ZNF638: variants seen among roughly 807,000 people sequenced by gnomAD.
ZNF638 encodes CTCL tumor antigen se33-1.
A neutral mutation model predicts 195.6 loss-of-function variants in ZNF638; 46 were observed. That is an observed-to-expected ratio of 0.24 (90% CI 0.19 to 0.30). The LOEUF (loss-of-function observed/expected upper bound fraction) is 0.30. ZNF638 is among the 10% of genes least tolerant of loss of function. ZNF638 has a pLI of 1.00. For synonymous variants in ZNF638, 845 were observed against 772.0 expected, an observed-to-expected ratio of 1.09 and a Z score of -1.57; for missense variants, 2,440 against 2,325.3, an observed-to-expected ratio of 1.05 and a Z score of -1.01.
chr2:71,334,539 A>T (rs1206730745), intron 1 of ZNF638: 1 of 152,220 alleles, frequency 6.6e-6, no homozygotes, highest in Non-Finnish European at 1.5e-5. Flanking sequence ...AATGGAAGGA[A>T]AATAAGTATA....
chr2:71,403,440 A>G (rs911038199), intron 16 of ZNF638, among the ~76,000 whole-genome samples: 3 of 152,188 alleles, frequency 2.0e-5, no homozygotes, highest in African/African-American at 7.2e-5. Context: ...AAATGACTTC[A>G]CAATTGTTAC....
At chr2:71,390,257 C>T (rs938345882) in intron 10 of ZNF638, among the ~76,000 whole-genome samples, 6 of 152,220 alleles carry the variant, frequency 3.9e-5, no homozygotes, top group Non-Finnish European at 8.8e-5. Context: ...CGGCTTTCCT[C>T]GGTCAATTGG....
intron 10 of ZNF638, among the ~76,000 whole-genome samples, chr2:71,394,478 T>G (rs1275616352): frequency 6.6e-6 from 1 of 152,146 alleles, no homozygotes. Flanking sequence ...CCATTACACC[T>G]CAAAACTCCA....
intron 8 of ZNF638, among the ~76,000 whole-genome samples, chr2:71,371,796 C>T (rs1014553959): frequency 6.0e-5 from 9 of 150,882 alleles, no homozygotes; most frequent in African/African-American, 2.2e-4. Flanking sequence ...GCTTGAGTTC[C>T]TTATATATTC....
rs17006876 is a variant in ZNF638 at position 71,334,049 on chromosome 2, C to T, written c.-203+2174C>T. ...ACTTTCATTAAAATATTTTGTGCTT[C>T]TATAAACTTTTTACATGCCTTTCTT... is the stretch of plus-strand genomic sequence containing the variant. On this transcript the variant is annotated intron_variant, in intron 1 of 27. Coordinates refer to ENST00000264447, the MANE Select transcript of ZNF638 (RefSeq NM_014497.5). Among the ~76,000 whole-genome samples, 852 of 152,270 alleles carry T rather than the reference C, an allele frequency of 5.6e-3. 5 individuals carry two copies. The highest frequency in any genetic ancestry group is 0.019 in the African/African-American group (807 of 41,536).
intron 10 of ZNF638, among the ~76,000 whole-genome samples, chr2:71,387,785 G>A (rs1437270576): frequency 6.6e-6 from 1 of 152,162 alleles, no homozygotes; most frequent in Admixed American, 6.5e-5. Context: ...TTTAGGTTGA[G>A]AAGTCCTTCC....
At chr2:71,338,292 T>C (rs2078706122) in intron 1 of ZNF638, among the ~76,000 whole-genome samples, 1 of 152,268 alleles carries the variant, frequency 6.6e-6, no homozygotes, top group Non-Finnish European at 1.5e-5. Flanking sequence ...ACTGTTATTC[T>C]ACATTTAGTA....
chr2:71,337,970 T>C (rs1206791045), intron 1 of ZNF638, among the ~76,000 whole-genome samples: 1 of 152,238 alleles, frequency 6.6e-6, no homozygotes, highest in African/African-American at 2.4e-5. Flanking sequence ...ATTTATCTGA[T>C]GTTTCCTCTT....
At chr2:71,362,657 A>G (rs1426982807) in intron 3 of ZNF638, among the ~76,000 whole-genome samples, 1 of 152,130 alleles carries the variant, frequency 6.6e-6, no homozygotes, top group Admixed American at 6.5e-5. Context: ...AACCTGATCC[A>G]TTCCTATTAA....
At chr2:71,364,930 T>C (rs1057261586) in intron 5 of ZNF638, among the ~76,000 whole-genome samples, 4 of 152,236 alleles carry the variant, frequency 2.6e-5, no homozygotes, top group East Asian at 1.9e-4. Flanking sequence ...GAAGCAGATA[T>C]AAGAATTTAG....
chr2:71,399,754 G>C lies in ZNF638; in HGVS notation c.2587+109G>C, dbSNP rs549053459. 4.1e-5 allele frequency: 34 copies of C among 834,738 alleles called. No individual in the cohort carries two copies. In the South Asian group the frequency reaches 5.7e-4, roughly 14 times the overall value. 51.7% of individuals were successfully genotyped at this position (834,738 alleles called of 1,614,324 possible). A position where few individuals can be genotyped will look rare whatever the true frequency, so the allele number is the denominator to read the frequency against. ...TCTTACATAGGTAAACGTGTCATGGGGGTTTGTTGTACAGGTTATTTCATC... is the reference window on the plus strand; with the variant it reads ...TCTTACATAGGTAAACGTGTCATGGCGGTTTGTTGTACAGGTTATTTCATC... On this transcript the variant is annotated intron_variant, in intron 13 of 27. Coordinates refer to ENST00000264447, the MANE Select transcript of ZNF638 (RefSeq NM_014497.5).
At chr2:71,333,912 TAGGC>T (rs1476480098) in intron 1 of ZNF638, among the ~76,000 whole-genome samples, 2 of 152,234 alleles carry the variant, frequency 1.3e-5, no homozygotes, top group Non-Finnish European at 2.9e-5. Flanking sequence ...TTGAAGTGCT[TAGGC>T]AGCATTGTTT....
intron 20 of ZNF638, among the ~76,000 whole-genome samples, chr2:71,417,373 G>C (rs1237419804): frequency 7.3e-5 from 11 of 151,012 alleles, no homozygotes; most frequent in Non-Finnish European, 1.0e-4. Flanking sequence ...TGCGCCCACT[G>C]TCTGGCACTC....
rs2079880231 is a variant in ZNF638, at chr2:71,395,766, G to T, written c.2378-375G>T. 3 of 387,010 alleles carry T rather than the reference G, an allele frequency of 7.8e-6. No individual in the cohort carries two copies. In the East Asian group the frequency reaches 1.8e-4, roughly 24 times the overall value. 24.0% of individuals were successfully genotyped at this position (387,010 alleles called of 1,614,324 possible). A position where few individuals can be genotyped will look rare whatever the true frequency, so the allele number is the denominator to read the frequency against. On this transcript the variant is annotated intron_variant, in intron 10 of 27. Transcript: ENST00000264447. ...GCACTCATGCAAAATACCTGTGTCT[G>T]TGTACTTTTTTCATCCGTCGCTCAG...
chr2:71,393,492 G>A (rs948084237), intron 10 of ZNF638: 8 of 717,798 alleles, frequency 1.1e-5, no homozygotes, highest in South Asian at 3.0e-5. Flanking sequence ...TGCAGGACCC[G>A]CAGCTCCAGA....
intron 3 of ZNF638, among the ~76,000 whole-genome samples, chr2:71,359,205 T>C (rs2079070240): frequency 1.3e-5 from 2 of 152,166 alleles, no homozygotes; most frequent in Non-Finnish European, 1.5e-5. Context: ...CACAATATGC[T>C]GTCTGTGTGT....
Position 71,331,883 on chromosome 2 carries a change from C to T in ZNF638, c.-203+8C>T, listed in dbSNP as rs969483970. The T allele has an allele frequency of 1.9e-5, 19 of 986,380 alleles. No individual in the cohort carries two copies. Among genetic ancestry groups the T allele is most frequent in the Non-Finnish European group, 2.3e-5 (19 of 830,382 alleles). The allele number at this position is 986,380 out of a possible 1,614,324, so 61.1% of individuals were successfully genotyped here. On this transcript the variant is annotated splice_region_variant and intron_variant, in intron 1 of 27. Coordinates refer to ENST00000264447, the MANE Select transcript of ZNF638 (RefSeq NM_014497.5). ...TTAGTCGGGTAGGCATAGGTAGGAC[C>T]GCTGCCCTGTGGGGAGTAGGGGGTT... is the stretch of plus-strand genomic sequence containing the variant.
At chr2:71,376,330 G>A (rs1325203498) in intron 8 of ZNF638, 1 of 152,208 alleles carries the variant, frequency 6.6e-6, no homozygotes, top group African/African-American at 2.4e-5. Flanking sequence ...ATTGAGTGGA[G>A]GGAACTCTGA....
chr2:71,431,709 G>A (rs1031400278), intron 26 of ZNF638, among the ~76,000 whole-genome samples: 55 of 150,892 alleles, frequency 3.6e-4, no homozygotes, highest in Admixed American at 2.2e-3. Context: ...GCAGTGAGCC[G>A]AGATAGCGCC....
Sources: allele counts gnomAD v4.1 joint callset (sites outside exome capture counted in the v4.1 genomes callset), GRCh38; gene constraint gnomAD v4.1.1; transcripts MANE v1.5; gene names NCBI Gene and HGNC (gene_info 2026-07-23, HGNC 2026-07-21).